The following GMPR variants were observed in gnomAD, a reference collection of about 807,000 sequenced individuals.
The protein encoded by GMPR is GMP reductase 1.
In GMPR, 31 loss-of-function variants were observed where a neutral mutation model predicts 38.4. That is an observed-to-expected ratio of 0.81 (90% CI 0.61 to 1.09). The LOEUF is 1.09. Among genes scored for constraint, GMPR ranks in the 50% least tolerant of loss-of-function variants. GMPR has a pLI of 0.00. For missense variants in GMPR, 468 were observed against 453.7 expected (o/e 1.03, Z -0.29); for synonymous variants, 162 against 173.3 (o/e 0.93, Z 0.51).
At chr6:16,254,496 T>C in intron 3 of GMPR, 66 bp from the exon 4 acceptor site, 34 of 1,378,508 alleles carry the variant, frequency 2.5e-5, no homozygotes, top group Non-Finnish European at 3.3e-5. Flanking sequence ...GGTGCATAAA[T>C]GGGGGCAGGG....
intron 4 of GMPR, among the ~76,000 whole-genome samples, chr6:16,266,426 AAG>A (rs1216388586): frequency 4.5e-5 from 6 of 132,504 alleles, no homozygotes; most frequent in African/African-American, 8.3e-5. Context: ...CACTGTGAAA[AAG>A]GTGGCACGTC....
At chr6:16,246,266 C>G (rs905174457) in intron 1 of GMPR, among the ~76,000 whole-genome samples, 5 of 152,174 alleles carry the variant, frequency 3.3e-5, no homozygotes, top group Admixed American at 6.5e-5. Flanking sequence ...GCCCCCTGAC[C>G]TCCCCACCCA....
Position 16,295,009 on chromosome 6 carries a change from C to G in GMPR, c.861C>G (p.Ala287=), listed in dbSNP as rs769997160. 1.5e-5 allele frequency: 24 copies of G among 1,606,338 alleles called. No individual in the cohort carries two copies. The highest frequency in any genetic ancestry group is 2.0e-5 in the Non-Finnish European group (24 of 1,176,202). Residue 287 remains alanine, a synonymous_variant, in exon 9 of 9, where the codon GCC becomes GCG. Coordinates refer to ENST00000259727, the MANE Select transcript of GMPR (RefSeq NM_006877.4). ...KHAGGVAEYR[A]SEGKTVEVPY... is the part of the protein sequence containing the mutation. ...GAAAACTTCTATCGTCTTCCAGAGC[C>G]TCTGAGGGTAAGACTGTGGAAGTTC...
intron 6 of GMPR, among the ~76,000 whole-genome samples, chr6:16,279,534 T>C (rs1188385122): frequency 6.6e-6 from 1 of 152,248 alleles, no homozygotes; most frequent in Non-Finnish European, 1.5e-5. Context: ...TGCGAGTTTT[T>C]GGGGGGACCC....
intron 5 of GMPR, among the ~76,000 whole-genome samples, chr6:16,274,697 C>G (rs1759445914): frequency 2.0e-5 from 3 of 152,024 alleles, no homozygotes; most frequent in Admixed American, 2.0e-4. Context: ...TTGATGCCCC[C>G]AGGGATTTTC....
rs150540990 is a variant in GMPR at position 16,267,196 on chromosome 6, T to C, written c.466-7219T>C. Among the ~76,000 whole-genome samples, 390 of 152,130 alleles carry C rather than the reference T, an allele frequency of 2.6e-3. 3 individuals are homozygous for C. Among genetic ancestry groups the C allele is most frequent in the African/African-American group, 8.4e-3 (349 of 41,518 alleles). On this transcript the variant is annotated intron_variant, in intron 4 of 8. Transcript: ENST00000259727. Reference sequence around the variant, plus strand: ...GGCTAACACGGTGAAACCCTATCTCTACTAAAAGTACAAAAAAAAGAAAAA... The same window carrying C: ...GGCTAACACGGTGAAACCCTATCTCCACTAAAAGTACAAAAAAAAGAAAAA...
chr6:16,275,127 T>G (rs1759450793), intron 5 of GMPR, among the ~76,000 whole-genome samples: 1 of 152,244 alleles, frequency 6.6e-6, no homozygotes, highest in African/African-American at 2.4e-5. Context: ...GCAGGGTTAC[T>G]GTTCGCTTTC....
intron 7 of GMPR, among the ~76,000 whole-genome samples, chr6:16,289,112 C>T (rs180024): frequency 0.021 from 3,265 of 152,292 alleles, 80 homozygotes; most frequent in Admixed American, 0.072. Context: ...TGTTGCTGCT[C>T]GGTCTTTAGG....
At chr6:16,266,227 CCG>C (rs1220185428) in intron 4 of GMPR, among the ~76,000 whole-genome samples, 3 of 151,220 alleles carry the variant, frequency 2.0e-5, no homozygotes, top group South Asian at 2.1e-4. Flanking sequence ...ATGAAGAACG[CCG>C]CGCGCACCAC....
chr6:16,269,338 A>G (rs2113690009), intron 4 of GMPR, among the ~76,000 whole-genome samples: 1 of 152,356 alleles, frequency 6.6e-6, no homozygotes, highest in South Asian at 2.1e-4. Flanking sequence ...TCGACCCCAG[A>G]TCTTTCCGAA....
At position 16,290,591 on chromosome 6, in the gene GMPR, A is replaced by G; in HGVS notation, c.827A>G (p.Asn276Ser). The G allele has an allele frequency of 6.2e-7, 1 of 1,614,182 alleles. No individual in the cohort carries two copies. Among genetic ancestry groups the G allele is most frequent in the South Asian group, 1.1e-5 (1 of 91,084 alleles). ...GGGATGAGCTCTGACACCGCCATGA[A>G]CAAGCACGCAGGAGGAGTTGCTGAG... ...FYGMSSDTAMNKHAGGVAEYR... is the reference protein window; with the variant it reads ...FYGMSSDTAMSKHAGGVAEYR... The change falls in exon 8 of 9, where the codon AAC becomes AGC. Residue 276 changes from asparagine to serine, a missense_variant. Asn to Ser is a conservative substitution (Grantham distance 46). Transcript: ENST00000259727.
rs768692695 is a variant in GMPR, at chr6:16,254,719, C to A, written c.449C>A (p.Pro150His). Residue 150 changes from proline to histidine, a missense_variant, in exon 4 of 9, where the codon CCT (proline) becomes CAT (histidine). By Grantham distance (77) the Pro-to-His change is moderately conservative. Coordinates refer to ENST00000259727, the MANE Select transcript of GMPR (RefSeq NM_006877.4). ...GTGAAACTTGTCCGTGCCAAATTTCCTGAACACACCATTATGGTAAGTACG... is the reference window on the plus strand; with the variant it reads ...GTGAAACTTGTCCGTGCCAAATTTCATGAACACACCATTATGGTAAGTACG... Reference protein sequence around the residue: ...EFVKLVRAKFPEHTIMAGNVV... With the variant: ...EFVKLVRAKFHEHTIMAGNVV... 1.7e-5 allele frequency: 27 copies of A among 1,612,512 alleles called. No individual in the cohort carries two copies. Among genetic ancestry groups the A allele is most frequent in the Non-Finnish European group, 2.2e-5 (26 of 1,178,662 alleles).
At chr6:16,270,609 T>C (rs1006934433) in intron 4 of GMPR, among the ~76,000 whole-genome samples, 1 of 152,196 alleles carries the variant, frequency 6.6e-6, no homozygotes, top group Non-Finnish European at 1.5e-5. Flanking sequence ...TCTGATTTGG[T>C]CTTTTCCTCT....
At chr6:16,283,936 T>G (rs768060876) in intron 6 of GMPR, among the ~76,000 whole-genome samples, 1 of 152,182 alleles carries the variant, frequency 6.6e-6, no homozygotes, top group Non-Finnish European at 1.5e-5. Context: ...GAAGGGCATT[T>G]TGAGGTTGTA....
chr6:16,288,466 C>T (rs1233048332), intron 7 of GMPR, among the ~76,000 whole-genome samples: 1 of 152,242 alleles, frequency 6.6e-6, no homozygotes, highest in African/African-American at 2.4e-5. Flanking sequence ...CGCTGGATTT[C>T]TGGCTGGGCC....
intron 6 of GMPR, among the ~76,000 whole-genome samples, chr6:16,282,676 T>C (rs1759596220): frequency 6.6e-6 from 1 of 152,244 alleles, no homozygotes; most frequent in Non-Finnish European, 1.5e-5. Context: ...GTGACTGATT[T>C]GAACTCCTTT....
rs1273360744 is a variant in GMPR at position 16,246,980 on chromosome 6, G to T, written c.207+19G>T. 1.9e-6 allele frequency: 3 copies of T among 1,610,776 alleles called. No individual in the cohort carries two copies. The highest frequency in any genetic ancestry group is 2.5e-6 in the Non-Finnish European group (3 of 1,178,876). The stretch of plus-strand genomic sequence containing the variant: ...GTCACAGGTGAGGCGGTAGGCTTTT[G>T]TTTTTTCCCTTTGCTGCTCACACTG... On this transcript the variant is annotated intron_variant, in intron 2 of 8. Transcript: ENST00000259727.
rs181159411 is a variant in GMPR at position 16,275,203 on chromosome 6, C to T, written c.547+707C>T. 2.6e-5 allele frequency among the ~76,000 whole-genome samples: 4 copies of T among 152,136 alleles called. No homozygotes were observed. The East Asian group carries it at 5.8e-4, about 22-fold the overall frequency. On this transcript the variant is annotated intron_variant, in intron 5 of 8. Transcript: ENST00000259727. ...TTCATCCGTGCACATCCAGTATTAA[C>T]CAGACACTAAAATTGAGGAGCAAGA...
chr6:16,286,836 C>G (rs930314066), intron 7 of GMPR, among the ~76,000 whole-genome samples: 5 of 151,764 alleles, frequency 3.3e-5, no homozygotes, highest in Non-Finnish European at 7.4e-5. Context: ...AACCCGGGAG[C>G]CAGAAGTTGC....
Sources: allele counts gnomAD v4.1 joint callset (sites outside exome capture counted in the v4.1 genomes callset), GRCh38; gene constraint gnomAD v4.1.1; transcripts MANE v1.5; gene names NCBI Gene and HGNC (gene_info 2026-07-23, HGNC 2026-07-21).